TCF12: variants seen among roughly 807,000 people sequenced by gnomAD.
TCF12 encodes DNA-binding protein HTF4.
In TCF12, 45 loss-of-function variants were observed where a neutral mutation model predicts 86.0. The ratio of observed to expected loss-of-function variants is 0.52; its 90% CI spans 0.41 to 0.67. The LOEUF is 0.67. Ranked by LOEUF, TCF12 falls within the 30% of genes least tolerant of loss-of-function variation. TCF12 has a pLI of 0.00. For synonymous variants in TCF12, 330 were observed against 299.6 expected, an observed-to-expected ratio of 1.10 and a Z score of -1.05; for missense variants, 881 against 859.9, an observed-to-expected ratio of 1.02 and a Z score of -0.31.
intron 5 of TCF12, among the ~76,000 whole-genome samples, chr15:57,104,128 A>C (rs1485286707): frequency 2.0e-5 from 3 of 152,092 alleles, no homozygotes; most frequent in African/African-American, 7.2e-5. Flanking sequence ...ATAAAATCTA[A>C]AGAATATCAA....
At chr15:56,964,185 C>G (rs1432544310) in intron 3 of TCF12, among the ~76,000 whole-genome samples, 1 of 152,142 alleles carries the variant, frequency 6.6e-6, no homozygotes, top group Non-Finnish European at 1.5e-5. Flanking sequence ...GAAGAATGTA[C>G]CATGTAATGT....
intron 18 of TCF12, among the ~76,000 whole-genome samples, chr15:57,267,167 G>T (rs1202798473): frequency 6.6e-6 from 1 of 152,050 alleles, no homozygotes; most frequent in Non-Finnish European, 1.5e-5. Flanking sequence ...ATTGTTCTTT[G>T]TGTTGAATTA....
At chr15:57,039,396 A>C (rs1389749215) in intron 3 of TCF12, among the ~76,000 whole-genome samples, 1 of 152,172 alleles carries the variant, frequency 6.6e-6, no homozygotes, top group East Asian at 1.9e-4. Flanking sequence ...TTTGTTAGCC[A>C]GTTACTTCAT....
intron 13 of TCF12, among the ~76,000 whole-genome samples, chr15:57,250,853 GCCAC>G (rs1224648564): frequency 6.7e-6 from 1 of 148,296 alleles, no homozygotes; most frequent in Non-Finnish European, 1.5e-5. Context: ...CCAAGATCGT[GCCAC>G]TGCGCTCCAG....
chr15:57,168,708 A>G (rs554789659), intron 6 of TCF12, among the ~76,000 whole-genome samples: 2 of 152,276 alleles, frequency 1.3e-5, no homozygotes, highest in East Asian at 1.9e-4. Flanking sequence ...CCACCTAACC[A>G]TCATTCTTCT....
downstream of TCF12, chr15:57,289,973 C>G (rs1279503567): frequency 2.0e-5 from 3 of 151,792 alleles, no homozygotes; most frequent in Admixed American, 2.0e-4. Flanking sequence ...CAATGAAACA[C>G]TGCATTTCTT....
At chr15:57,017,433 A>G (rs1316942168) in intron 3 of TCF12, among the ~76,000 whole-genome samples, 5 of 152,224 alleles carry the variant, frequency 3.3e-5, no homozygotes, top group African/African-American at 4.8e-5. Flanking sequence ...GGTATTGCCT[A>G]TCATTGCTTT....
At chr15:57,038,193 A>T (rs1047332344) in intron 3 of TCF12, among the ~76,000 whole-genome samples, 3 of 152,078 alleles carry the variant, frequency 2.0e-5, no homozygotes, top group African/African-American at 7.2e-5. Flanking sequence ...GCACATTGGG[A>T]GGCTGAGGTA....
intron 16 of TCF12, among the ~76,000 whole-genome samples, chr15:57,258,530 G>A (rs1368142383): frequency 6.6e-6 from 1 of 152,134 alleles, no homozygotes; most frequent in Admixed American, 6.5e-5. Flanking sequence ...GCTTGATGCA[G>A]ATCTAAACAG....
intron 3 of TCF12, among the ~76,000 whole-genome samples, chr15:56,998,811 G>A (rs1030807636): frequency 2.6e-5 from 4 of 152,030 alleles, no homozygotes; most frequent in African/African-American, 9.7e-5. Flanking sequence ...AAATTTAAAA[G>A]AATTGAACTT....
intron 8 of TCF12, among the ~76,000 whole-genome samples, chr15:57,223,654 T>TTTTGTTTTTTTTTTG (rs2058722663): frequency 1.4e-4 from 18 of 130,026 alleles, no homozygotes; most frequent in African/African-American, 2.7e-4. Flanking sequence ...TTTTTTTTTT[T>TTTTGTTTTTTTTTTG]TTTTTTTTTT....
chr15:57,052,283 T>C (rs1367041495), intron 3 of TCF12, among the ~76,000 whole-genome samples: 1 of 152,186 alleles, frequency 6.6e-6, no homozygotes, highest in East Asian at 1.9e-4. Context: ...GTATCTTTTA[T>C]GAAGGTTGCC....
intron 3 of TCF12, among the ~76,000 whole-genome samples, chr15:56,982,998 A>G (rs1205159250): frequency 6.6e-6 from 1 of 152,256 alleles, no homozygotes; most frequent in East Asian, 1.9e-4. Flanking sequence ...TTGAGGGACT[A>G]CACAGTATAT....
chr15:57,138,274 A>C (rs112186413), intron 5 of TCF12, among the ~76,000 whole-genome samples: 3 of 152,144 alleles, frequency 2.0e-5, no homozygotes, highest in Non-Finnish European at 2.9e-5. Flanking sequence ...TCTGTTTTTC[A>C]TGTTTTTTCA....
At chr15:57,031,728 A>G (rs1163995311) in intron 3 of TCF12, among the ~76,000 whole-genome samples, 1 of 152,242 alleles carries the variant, frequency 6.6e-6, no homozygotes, top group East Asian at 1.9e-4. Flanking sequence ...AACACTGCAG[A>G]AAAACAGCCA....
At chr15:57,170,713 A>T (rs55966922) in intron 6 of TCF12, among the ~76,000 whole-genome samples, 14,206 of 25,048 alleles carry the variant, frequency 0.57, 2,630 homozygotes, top group African/African-American at 0.63. Flanking sequence ...ATAATATATA[A>T]TATATATATT....
chr15:57,053,507 T>C (rs1406465333), intron 3 of TCF12, among the ~76,000 whole-genome samples: 1 of 152,198 alleles, frequency 6.6e-6, no homozygotes, highest in African/African-American at 2.4e-5. Context: ...TTTTGTCTGT[T>C]TTTATTTTGT....
At position 57,060,499 on chromosome 15, in the gene TCF12, T is replaced by A. The variant is rs570994051; in HGVS notation, c.149-3251T>A. ...TCCTGTTGAATAGAAATGGAAAAAA[T>A]TTATTAGAAAGTCAAATAAGGCTCA... On this transcript the variant is annotated intron_variant, in intron 3 of 20. Coordinates refer to ENST00000333725, the MANE Select transcript of TCF12 (RefSeq NM_207037.2). Among the ~76,000 whole-genome samples the A allele has an allele frequency of 6.6e-5, 10 of 152,276 alleles. 1 individual carries two copies. Among genetic ancestry groups the A allele is most frequent in the African/African-American group, 1.9e-4 (8 of 41,560 alleles).
At chr15:57,181,568 C>CCA (rs2056354185) in intron 6 of TCF12, among the ~76,000 whole-genome samples, 1 of 152,072 alleles carries the variant, frequency 6.6e-6, no homozygotes, top group Non-Finnish European at 1.5e-5. Context: ...AGGATGTTGG[C>CCA]CAAGTCTACC....
Sources: gnomAD v4.1 joint callset for allele counts (sites outside exome capture counted in the v4.1 genomes callset) on GRCh38, gnomAD v4.1.1 for gene constraint, MANE v1.5 for transcripts, NCBI Gene and HGNC (gene_info 2026-07-23, HGNC 2026-07-21) for gene names.